GSTCD: variants seen among roughly 807,000 people sequenced by gnomAD.
The protein encoded by GSTCD is glutathione S-transferase C-terminal domain-containing protein.
A neutral mutation model predicts 68.3 loss-of-function variants in GSTCD; 44 were observed. That is an observed-to-expected ratio of 0.64 (90% CI 0.51 to 0.83). GSTCD has a LOEUF of 0.83. GSTCD is among the 40% of genes least tolerant of loss of function. The pLI is 0.00. For missense variants in GSTCD, 739 were observed against 735.9 expected, an observed-to-expected ratio of 1.00 and a Z score of -0.05; for synonymous variants, 273 against 255.2, an observed-to-expected ratio of 1.07 and a Z score of -0.67.
chr4:105,720,117 G>A (rs1560793275), intron 3 of GSTCD, among the ~76,000 whole-genome samples: 1 of 152,202 alleles, frequency 6.6e-6, no homozygotes, highest in East Asian at 1.9e-4. Context: ...TGCTGGGGGA[G>A]AATAGATAGA....
chr4:105,731,509 C>T (rs948220232), intron 5 of GSTCD, among the ~76,000 whole-genome samples: 4 of 151,844 alleles, frequency 2.6e-5, no homozygotes, highest in Non-Finnish European at 5.9e-5. Flanking sequence ...AATGGGAGTT[C>T]ACTCATAATT....
chr4:105,818,170 C>A (rs1037400218), intron 5 of GSTCD, among the ~76,000 whole-genome samples: 2 of 151,720 alleles, frequency 1.3e-5, no homozygotes, highest in Non-Finnish European at 3.0e-5. Context: ...ACTTAGGTTT[C>A]ATTTTATAAT....
chr4:105,763,890 A>T (rs1275510061), intron 5 of GSTCD, among the ~76,000 whole-genome samples: 1 of 152,118 alleles, frequency 6.6e-6, no homozygotes, highest in Non-Finnish European at 1.5e-5. Flanking sequence ...GGTAGTTGTA[A>T]CCCATCAATT....
chr4:105,734,256 C>T (rs1296418567), intron 5 of GSTCD, among the ~76,000 whole-genome samples: 1 of 152,170 alleles, frequency 6.6e-6, no homozygotes, highest in East Asian at 1.9e-4. Flanking sequence ...TGGGGAAGTT[C>T]TCCTGGATAA....
intron 1 of GSTCD, among the ~76,000 whole-genome samples, chr4:105,709,928 A>G (rs935907964): frequency 6.6e-6 from 1 of 152,162 alleles, no homozygotes; most frequent in Non-Finnish European, 1.5e-5. Flanking sequence ...CAACTAAGTG[A>G]TTCGCTGTCA....
chr4:105,714,032 A>G (rs1017753948), intron 1 of GSTCD, among the ~76,000 whole-genome samples: 7 of 152,018 alleles, frequency 4.6e-5, no homozygotes, highest in African/African-American at 1.4e-4. Flanking sequence ...GTGAAAAAAA[A>G]AAACCAGATC....
chr4:105,748,107 TA>T, intron 5 of GSTCD, among the ~76,000 whole-genome samples: 1 of 151,942 alleles, frequency 6.6e-6, no homozygotes, highest in Non-Finnish European at 1.5e-5. Context: ...ATACAAAAAT[TA>T]GCTGTGCGTG....
At chr4:105,735,555 T>A (rs1733432112) in intron 5 of GSTCD, among the ~76,000 whole-genome samples, 2 of 152,154 alleles carry the variant, frequency 1.3e-5, no homozygotes, top group Non-Finnish European at 2.9e-5. Context: ...GTGACCCAAT[T>A]TTCCGGGTGC....
chr4:105,753,265 C>T (rs775180321), intron 5 of GSTCD: 1 of 151,840 alleles, frequency 6.6e-6, no homozygotes, highest in Non-Finnish European at 1.5e-5. Context: ...GAGAGTCATC[C>T]AGAAGCAATG....
chr4:105,748,705 A>G (rs887686835), intron 5 of GSTCD, among the ~76,000 whole-genome samples: 3 of 152,026 alleles, frequency 2.0e-5, no homozygotes, highest in Admixed American at 6.6e-5. Flanking sequence ...TCAGTATAGA[A>G]ATTGAAATAG....
chr4:105,710,480 C>T lies in GSTCD; in HGVS notation c.-22+1464C>T, dbSNP rs143545291. ...CTGACCTCAAATGATCCGCCCGCCT[C>T]GGCTTCCCAAAGTGGTGGGATTACA... On this transcript the variant is annotated intron_variant, in intron 1 of 11. Transcript: ENST00000515279. Among the ~76,000 whole-genome samples, 494 of 150,998 alleles carry T rather than the reference C, an allele frequency of 3.3e-3. 4 individuals carry two copies. The highest frequency in any genetic ancestry group is 0.011 in the African/African-American group (462 of 41,036).
rs369181512 is a variant in GSTCD, at chr4:105,749,626, T to C, written c.1240+20127T>C. ...TCCATAGGCAAAAAAAAAAAAAAAA[T>C]CTCTACCTAAATTGCACACTTATAT... On this transcript the variant is annotated intron_variant, in intron 5 of 11. Transcript: ENST00000515279. Among the ~76,000 whole-genome samples, 24 of 145,084 alleles carry C rather than the reference T, an allele frequency of 1.7e-4. No individual in the cohort carries two copies. The East Asian group carries it at 4.6e-3, about 28-fold the overall frequency.
intron 5 of GSTCD, among the ~76,000 whole-genome samples, chr4:105,780,995 A>C (rs887775786): frequency 2.6e-5 from 4 of 152,282 alleles, no homozygotes; most frequent in African/African-American, 9.6e-5. Context: ...CTAGCTACTT[A>C]ATCTCAAGCA....
chr4:105,767,648 A>G (rs953257343), intron 5 of GSTCD, among the ~76,000 whole-genome samples: 1 of 152,112 alleles, frequency 6.6e-6, no homozygotes, highest in South Asian at 2.1e-4. Context: ...AAGACAGAAA[A>G]CCGTTTAACA....
At chr4:105,831,986 A>G (rs188525976) in intron 8 of GSTCD, among the ~76,000 whole-genome samples, 2 of 152,214 alleles carry the variant, frequency 1.3e-5, no homozygotes, top group Admixed American at 1.3e-4. Context: ...AGATTTATTA[A>G]CCTTACCCCT....
intron 10 of GSTCD, among the ~76,000 whole-genome samples, chr4:105,841,805 TGCGCCACTGCACTCCAGCCTGG>T (rs1214612252): frequency 1.3e-5 from 2 of 152,074 alleles, no homozygotes; most frequent in African/African-American, 2.4e-5. Context: ...GAGCCAAGAT[TGCGCCACTGCACTCCAGCCTGG>T]GCGACGGCGA....
At chr4:105,799,478 T>C (rs1578485503) in intron 5 of GSTCD, among the ~76,000 whole-genome samples, 1 of 152,266 alleles carries the variant, frequency 6.6e-6, no homozygotes, top group East Asian at 1.9e-4. Flanking sequence ...AGGGTCATTG[T>C]AGGGCTATTA....
intron 3 of GSTCD, 40 bp from the exon 4 acceptor site, chr4:105,726,539 A>C: frequency 7.5e-7 from 1 of 1,336,856 alleles, no homozygotes; most frequent in Non-Finnish European, 1.0e-6. Flanking sequence ...ATTATAAACA[A>C]AATATATATA....
At chr4:105,749,360 G>A (rs1190406566) in intron 5 of GSTCD, among the ~76,000 whole-genome samples, 1 of 151,846 alleles carries the variant, frequency 6.6e-6, no homozygotes, top group African/African-American at 2.4e-5. Flanking sequence ...ACTTTTTGTA[G>A]CTGTAGACAA....
Sources: allele counts gnomAD v4.1 joint callset (sites outside exome capture counted in the v4.1 genomes callset), GRCh38; gene constraint gnomAD v4.1.1; transcripts MANE v1.5; gene names NCBI Gene and HGNC (gene_info 2026-07-23, HGNC 2026-07-21).